Variants in ROPN1L observed in about 807,000 individuals in gnomAD.
The protein encoded by ROPN1L is rhophilin associated tail protein 1 like.
Under a neutral mutation model 22.7 loss-of-function variants are expected in ROPN1L, and 23 were observed. The ratio of observed to expected loss-of-function variants is 1.01; its 90% CI spans 0.73 to 1.43. The LOEUF is 1.43. ROPN1L is among the 40% of genes most tolerant of loss of function. The pLI, the probability that ROPN1L is intolerant of heterozygous loss-of-function variation, is 0.00. For synonymous variants in ROPN1L, 116 were observed against 117.8 expected (o/e 0.98, Z 0.10); for missense variants, 271 against 291.5 (o/e 0.93, Z 0.51).
At chr5:10,482,562 G>T in the ROPN1L span, among the ~76,000 whole-genome samples, 1 of 152,208 alleles carries the variant, frequency 6.6e-6, no homozygotes, top group Non-Finnish European at 1.5e-5. Context: ...TTTTAGGGGA[G>T]TGGGGAACTC....
intron 3 of ROPN1L, among the ~76,000 whole-genome samples, chr5:10,456,960 G>A (rs1741441007): frequency 6.6e-6 from 1 of 152,190 alleles, no homozygotes; most frequent in Admixed American, 6.5e-5. Flanking sequence ...CCTGCACACG[G>A]TGGTGACGGA....
chr5:10,481,967 A>C, the ROPN1L span: 1 of 152,306 alleles, frequency 6.6e-6, no homozygotes, highest in South Asian at 2.1e-4. Context: ...ACAGTGGTTC[A>C]TGCCTATAAT....
the ROPN1L span, among the ~76,000 whole-genome samples, chr5:10,477,794 G>A: frequency 6.6e-6 from 1 of 152,094 alleles, no homozygotes; most frequent in East Asian, 1.9e-4. Flanking sequence ...GCTGGGTATG[G>A]TGGCGTTCAC....
At chr5:10,461,095 TAG>T (rs1438958458) in intron 3 of ROPN1L, 87 bp from the exon 4 acceptor site, 7 of 1,202,160 alleles carry the variant, frequency 5.8e-6, no homozygotes, top group South Asian at 1.4e-5. Flanking sequence ...TCAAATATGC[TAG>T]AGTGTTGATT....
chr5:10,478,571 C>A, the ROPN1L span, among the ~76,000 whole-genome samples: 1,184 of 152,276 alleles, frequency 7.8e-3, 13 homozygotes, highest in African/African-American at 0.027. Flanking sequence ...CCAATCTCTG[C>A]CTCCCTCTTC....
chr5:10,481,804 C>T, the ROPN1L span: 1 of 152,232 alleles, frequency 6.6e-6, no homozygotes, highest in Non-Finnish European at 1.5e-5. Flanking sequence ...ACACACCTAA[C>T]CTTTGTCCCA....
At chr5:10,455,285 AG>A (rs1214681109) in intron 3 of ROPN1L, among the ~76,000 whole-genome samples, 15 of 152,220 alleles carry the variant, frequency 9.9e-5, no homozygotes, top group African/African-American at 3.6e-4. Context: ...TTCCGCAGCT[AG>A]GGCTCGAAAG....
chr5:10,450,407 A>G (rs965999260), intron 3 of ROPN1L, among the ~76,000 whole-genome samples: 5 of 152,344 alleles, frequency 3.3e-5, no homozygotes, highest in African/African-American at 7.2e-5. Flanking sequence ...TAAAACTACA[A>G]ATCATTTTGT....
chr5:10,475,222 C>T (rs958794212), downstream of ROPN1L, among the ~76,000 whole-genome samples: 5 of 152,328 alleles, frequency 3.3e-5, no homozygotes, highest in Admixed American at 2.6e-4. Flanking sequence ...GCCACAGTCA[C>T]ACCCTCTTCA....
At chr5:10,460,137 T>A (rs1734989296) in intron 3 of ROPN1L, among the ~76,000 whole-genome samples, 1 of 152,152 alleles carries the variant, frequency 6.6e-6, no homozygotes, top group Admixed American at 6.5e-5. Context: ...CAGCTTACCC[T>A]GGCCAGGGTG....
chr5:10,475,416 C>T (rs1217229956), downstream of ROPN1L, among the ~76,000 whole-genome samples: 1 of 152,294 alleles, frequency 6.6e-6, no homozygotes, highest in African/African-American at 2.4e-5. Context: ...ATAAAACTTT[C>T]CCTGTTCAAA....
downstream of ROPN1L, among the ~76,000 whole-genome samples, chr5:10,467,862 G>A (rs544256515): frequency 4.6e-5 from 7 of 152,290 alleles, no homozygotes; most frequent in African/African-American, 1.2e-4. Context: ...GGCCTCATTC[G>A]GAGGATAAGC....
At chr5:10,460,345 G>T (rs972689639) in intron 3 of ROPN1L, among the ~76,000 whole-genome samples, 2 of 152,262 alleles carry the variant, frequency 1.3e-5, no homozygotes, top group Non-Finnish European at 2.9e-5. Context: ...CTGGCCCTGG[G>T]GAGCCCTGGT....
intron 2 of ROPN1L, among the ~76,000 whole-genome samples, chr5:10,449,619 T>C (rs1160000212): frequency 6.6e-6 from 1 of 152,254 alleles, no homozygotes; most frequent in Non-Finnish European, 1.5e-5. Flanking sequence ...ATTTTTAAAA[T>C]GTTTTTTACT....
At chr5:10,481,195 A>T in the ROPN1L span, among the ~76,000 whole-genome samples, 1 of 152,224 alleles carries the variant, frequency 6.6e-6, no homozygotes, top group Non-Finnish European at 1.5e-5. Context: ...GTTTTGCTTT[A>T]AAATGTGGTG....
chr5:10,455,254 C>T (rs1477492502), intron 3 of ROPN1L, among the ~76,000 whole-genome samples: 5 of 152,210 alleles, frequency 3.3e-5, no homozygotes, highest in Non-Finnish European at 7.3e-5. Flanking sequence ...GCTTACTCCT[C>T]GCTGCTGTTT....
At chr5:10,454,311 C>T (rs767846336) in intron 3 of ROPN1L, among the ~76,000 whole-genome samples, 87 of 152,134 alleles carry the variant, frequency 5.7e-4, no homozygotes, top group Non-Finnish European at 9.1e-4. Context: ...TTTGTAGAGA[C>T]AAGTATCTTG....
At chr5:10,482,557 G>A in the ROPN1L span, among the ~76,000 whole-genome samples, 1 of 152,194 alleles carries the variant, frequency 6.6e-6, no homozygotes, top group African/African-American at 2.4e-5. Flanking sequence ...TCAGGTTTTA[G>A]GGGAGTGGGG....
At chr5:10,467,250 C>A (rs1477988054), downstream of ROPN1L, among the ~76,000 whole-genome samples, 14 of 146,366 alleles carry the variant, frequency 9.6e-5, no homozygotes, top group African/African-American at 3.6e-4. Flanking sequence ...ACTGGCTCTA[C>A]AGGTATAAAA....
Sources: gnomAD v4.1 joint callset for allele counts (sites outside exome capture counted in the v4.1 genomes callset) on GRCh38, gnomAD v4.1.1 for gene constraint, MANE v1.5 for transcripts, NCBI Gene and HGNC (gene_info 2026-07-23, HGNC 2026-07-21) for gene names.